TEX11: variants seen among roughly 807,000 people sequenced by gnomAD.
TEX11 encodes the protein testis-expressed protein 11.
In TEX11, 7 loss-of-function variants were observed where a neutral mutation model predicts 84.4. That is an observed-to-expected ratio of 0.08 (90% CI 0.05 to 0.16). The LOEUF (loss-of-function observed/expected upper bound fraction) is 0.16, where lower values mean the gene tolerates loss of function less well. Among genes scored for constraint, TEX11 ranks in the 10% least tolerant of loss-of-function variants. The pLI is 1.00. For synonymous variants in TEX11, 264 were observed against 222.8 expected, an observed-to-expected ratio of 1.18 and a Z score of -1.64; for missense variants, 551 against 660.5, an observed-to-expected ratio of 0.83 and a Z score of 1.82.
chrX:70,845,385 C>G (rs1354859803), intron 7 of TEX11, among the ~76,000 whole-genome samples: 2 of 109,999 alleles, frequency 1.8e-5, no homozygotes, highest in African/African-American at 6.6e-5. Context: ...TGGTCTTGAA[C>G]TCCTGACCTC....
intron 9 of TEX11, among the ~76,000 whole-genome samples, chrX:70,777,791 T>TA (rs895594232): frequency 1.9e-5 from 2 of 104,813 alleles, no homozygotes; most frequent in African/African-American, 3.5e-5. Context: ...CATACCACTA[T>TA]AAAAAAAAAA....
intron 13 of TEX11, among the ~76,000 whole-genome samples, chrX:70,717,455 A>T (rs775941830): frequency 3.4e-4 from 37 of 109,889 alleles, no homozygotes; most frequent in Non-Finnish European, 5.9e-4. Context: ...AGTAGCTGGG[A>T]TTAGAGGCAT....
Position 70,685,948 on chromosome X carries a change from C to A in TEX11, c.1005-3123G>T, listed in dbSNP as rs745874475. ...TTTTTTTTTCTTGTAAATTTAAATT[C>A]TTTGTAAATTCTGGATATTAGACCT... On this transcript the variant is annotated intron_variant, in intron 13 of 29. Coordinates refer to ENST00000374333, the MANE Select transcript of TEX11 (RefSeq NM_031276.3). Among the ~76,000 whole-genome samples, 10 of 110,195 alleles carry A rather than the reference C, an allele frequency of 9.1e-5. No individual in the cohort carries two copies. The East Asian group carries it at 2.3e-3, about 25-fold the overall frequency.
At chrX:70,693,630 G>A (rs1411957957) in intron 13 of TEX11, among the ~76,000 whole-genome samples, 7 of 111,454 alleles carry the variant, frequency 6.3e-5, no homozygotes, top group South Asian at 7.7e-4. Context: ...GTGAGGGGTG[G>A]GTAGGAAGAT....
At chrX:70,834,191 T>TAA (rs34937826) in intron 7 of TEX11, among the ~76,000 whole-genome samples, 56 of 99,467 alleles carry the variant, frequency 5.6e-4, no homozygotes, top group South Asian at 9.4e-4. Flanking sequence ...CCCCATCTCT[T>TAA]AAAAAAAAAA....
chrX:70,873,321 A>C lies in TEX11; in HGVS notation c.160-14T>G. 9.0e-7 allele frequency: 1 copy of C among 1,112,673 alleles called. No homozygotes were observed. The highest frequency in any genetic ancestry group is 1.2e-6 in the Non-Finnish European group (1 of 806,340). 91.7% of individuals were successfully genotyped at this position (1,112,673 alleles called of 1,213,427 possible). Reference sequence around the variant, plus strand: ...CATTTCTTCAATCTGGTCAAAGAGAAACATTTCCTTAGTTAGTTAAAATAC... The same window carrying C: ...CATTTCTTCAATCTGGTCAAAGAGACACATTTCCTTAGTTAGTTAAAATAC... On this transcript the variant is annotated splice_polypyrimidine_tract_variant and intron_variant, in intron 3 of 29. Transcript: ENST00000374333.
chrX:70,750,227 C>A (rs1473606137), intron 9 of TEX11, among the ~76,000 whole-genome samples: 1 of 111,276 alleles, frequency 9.0e-6, no homozygotes, highest in African/African-American at 3.3e-5. Context: ...AATGAGATAC[C>A]ATCTCACACC....
At chrX:70,555,434 A>T (rs1434725183) in intron 25 of TEX11, among the ~76,000 whole-genome samples, 3 of 111,926 alleles carry the variant, frequency 2.7e-5, no homozygotes, top group Non-Finnish European at 5.6e-5. Context: ...AAGTGCTCTA[A>T]CCTTAAACAG....
At chrX:70,521,430 C>A in the TEX11 span, among the ~76,000 whole-genome samples, 1 of 110,759 alleles carries the variant, frequency 9.0e-6, no homozygotes, top group African/African-American at 3.3e-5. Context: ...GCGCCCTCTA[C>A]CATGCCCGGC....
chrX:70,579,760 G>GATC (rs768068506), intron 25 of TEX11, among the ~76,000 whole-genome samples: 75 of 112,092 alleles, frequency 6.7e-4, no homozygotes, highest in Middle Eastern at 4.6e-3. Context: ...CCGCATCATT[G>GATC]ATCATCAGAG....
chrX:70,581,553 C>G (rs1404978521), intron 25 of TEX11, among the ~76,000 whole-genome samples: 2 of 110,748 alleles, frequency 1.8e-5, no homozygotes, highest in Admixed American at 9.7e-5. Context: ...CCACCTCGGC[C>G]TCCCAAAGTG....
At chrX:70,752,699 C>G (rs1312448253) in intron 9 of TEX11, among the ~76,000 whole-genome samples, 1 of 110,142 alleles carries the variant, frequency 9.1e-6, no homozygotes, top group African/African-American at 3.3e-5. Context: ...TGCAAAGACA[C>G]CAATTTAACA....
chrX:70,781,520 A>G (rs1239100631), intron 9 of TEX11, among the ~76,000 whole-genome samples: 1 of 111,940 alleles, frequency 8.9e-6, no homozygotes, highest in Non-Finnish European at 1.9e-5. Context: ...AAACTTCTCC[A>G]AGCTAAGAAG....
chrX:70,755,872 G>A (rs2090863682), intron 9 of TEX11, among the ~76,000 whole-genome samples: 1 of 112,304 alleles, frequency 8.9e-6, no homozygotes, highest in Non-Finnish European at 1.9e-5. Context: ...GTACCTGGAG[G>A]AATGGTATAC....
At chrX:70,644,787 G>T (rs1439089724) in intron 17 of TEX11, among the ~76,000 whole-genome samples, 2 of 65,231 alleles carry the variant, frequency 3.1e-5, no homozygotes, top group Admixed American at 4.1e-4. Context: ...TGGGGGGAGG[G>T]GGGAGGGATA....
intron 16 of TEX11, among the ~76,000 whole-genome samples, chrX:70,669,636 C>T (rs751602086): frequency 8.9e-6 from 1 of 112,559 alleles, no homozygotes; most frequent in Non-Finnish European, 1.9e-5. Flanking sequence ...AAAAATAAAC[C>T]TTCAAAGAAA....
downstream of TEX11, among the ~76,000 whole-genome samples, chrX:70,525,023 TA>T (rs1440009354): frequency 9.1e-6 from 1 of 109,964 alleles, no homozygotes; most frequent in African/African-American, 3.3e-5. Context: ...AAAATAATAA[TA>T]AAAAAAATTA....
chrX:70,904,033 T>G (rs2091817014), intron 2 of TEX11, among the ~76,000 whole-genome samples: 1 of 93,793 alleles, frequency 1.1e-5, no homozygotes, highest in Non-Finnish European at 2.1e-5. Context: ...TTGCCCAGGC[T>G]GGTCTCAAAC....
At chrX:70,516,494 A>G in the TEX11 span, among the ~76,000 whole-genome samples, 3 of 111,968 alleles carry the variant, frequency 2.7e-5, no homozygotes, top group Non-Finnish European at 5.6e-5. Context: ...CTGTTTTGGT[A>G]CCAGTACTAT....
Sources: gnomAD v4.1 joint callset for allele counts (sites outside exome capture counted in the v4.1 genomes callset) on GRCh38, gnomAD v4.1.1 for gene constraint, MANE v1.5 for transcripts, NCBI Gene and HGNC (gene_info 2026-07-23, HGNC 2026-07-21) for gene names.